ADGRB3: variants seen among roughly 807,000 people sequenced by gnomAD.
ADGRB3 encodes the protein brain-specific angiogenesis inhibitor 3.
Under a neutral mutation model 193.4 loss-of-function variants are expected in ADGRB3, and 37 were observed. The observed-to-expected ratio is 0.19, with a 90% CI of 0.15 to 0.25. ADGRB3 has a LOEUF of 0.25. Ranked by LOEUF, ADGRB3 falls within the 10% of genes least tolerant of loss-of-function variation. The pLI, the probability that ADGRB3 is intolerant of heterozygous loss-of-function variation, is 1.00. For missense variants in ADGRB3, 1,637 were observed against 1,852.9 expected, an observed-to-expected ratio of 0.88 and a Z score of 2.14; for synonymous variants, 690 against 644.2, an observed-to-expected ratio of 1.07 and a Z score of -1.08.
intron 17 of ADGRB3, among the ~76,000 whole-genome samples, chr6:69,125,410 A>T (rs1773826201): frequency 6.6e-6 from 1 of 152,112 alleles, no homozygotes; most frequent in Admixed American, 6.5e-5. Flanking sequence ...AGCTGAGAGT[A>T]TGAGGAGGTG....
chr6:68,758,091 A>G (rs1766330465), intron 3 of ADGRB3, among the ~76,000 whole-genome samples: 1 of 152,084 alleles, frequency 6.6e-6, no homozygotes, highest in African/African-American at 2.4e-5. Flanking sequence ...ATAGGATATA[A>G]CCTTAGGGGA....
Position 68,979,205 on chromosome 6 carries a change from C to A in ADGRB3, c.1734+3865C>A, listed in dbSNP as rs117166007. 2.4e-3 allele frequency among the ~76,000 whole-genome samples: 368 copies of A among 151,244 alleles called. 15 individuals carry two copies. The East Asian group carries it at 0.057, about 23-fold the overall frequency. On this transcript the variant is annotated intron_variant, in intron 10 of 31. Transcript: ENST00000370598. ...ATTTCAAAGATTTTTGAGTAAAGCA[C>A]GACTTTGCTACTTTTCTTATAAGTA...
chr6:69,342,801 C>T (rs1769002752), intron 26 of ADGRB3, among the ~76,000 whole-genome samples: 1 of 152,108 alleles, frequency 6.6e-6, no homozygotes, highest in Non-Finnish European at 1.5e-5. Flanking sequence ...AGTTTTATCT[C>T]TACTGCTCTT....
At chr6:68,701,864 A>G (rs1248040930) in intron 3 of ADGRB3, among the ~76,000 whole-genome samples, 1 of 152,200 alleles carries the variant, frequency 6.6e-6, no homozygotes, top group Non-Finnish European at 1.5e-5. Flanking sequence ...TTTAATATTT[A>G]TCCACTATCC....
intron 28 of ADGRB3, among the ~76,000 whole-genome samples, chr6:69,359,231 A>G (rs1769395003): frequency 6.6e-6 from 1 of 151,682 alleles, no homozygotes; most frequent in African/African-American, 2.4e-5. Flanking sequence ...TTTTTTAAGT[A>G]TTTATTTACA....
intron 3 of ADGRB3, among the ~76,000 whole-genome samples, chr6:68,675,851 G>A (rs538145122): frequency 6.6e-6 from 1 of 152,162 alleles, no homozygotes; most frequent in East Asian, 1.9e-4. Flanking sequence ...TCTCTTATTT[G>A]GAAACTTCTC....
chr6:68,643,760 C>A (rs1403861299), intron 3 of ADGRB3, among the ~76,000 whole-genome samples: 1 of 151,524 alleles, frequency 6.6e-6, no homozygotes, highest in Non-Finnish European at 1.5e-5. Context: ...GGTGAAACCA[C>A]CTTCTCTACT....
chr6:68,692,736 A>G (rs1290120488), intron 3 of ADGRB3, among the ~76,000 whole-genome samples: 1 of 151,558 alleles, frequency 6.6e-6, no homozygotes, highest in Non-Finnish European at 1.5e-5. Flanking sequence ...CAAGTTATTT[A>G]TATAATATAA....
intron 3 of ADGRB3, among the ~76,000 whole-genome samples, chr6:68,786,117 A>T (rs375326907): frequency 6.6e-6 from 1 of 151,532 alleles, no homozygotes; most frequent in Admixed American, 6.6e-5. Context: ...TGTTCACTCT[A>T]ATGGTAGTTT....
At chr6:68,722,605 CT>C (rs200217245) in intron 3 of ADGRB3, among the ~76,000 whole-genome samples, 1,489 of 142,904 alleles carry the variant, frequency 0.01, 10 homozygotes, top group Middle Eastern at 0.015. Flanking sequence ...ATTTCTTTTT[CT>C]TTTTTTTTTT....
intron 3 of ADGRB3, among the ~76,000 whole-genome samples, chr6:68,891,352 A>G (rs927732254): frequency 6.6e-6 from 1 of 152,120 alleles, no homozygotes; most frequent in Non-Finnish European, 1.5e-5. Flanking sequence ...GAAATCCAAC[A>G]TTATTTTATC....
At chr6:69,061,727 C>T (rs999124871) in intron 15 of ADGRB3, among the ~76,000 whole-genome samples, 11 of 47,448 alleles carry the variant, frequency 2.3e-4, no homozygotes, top group African/African-American at 2.6e-4. Flanking sequence ...TAAAAGGAAA[C>T]AAAATAGATG....
At chr6:68,889,554 G>T (rs559321598) in intron 3 of ADGRB3, among the ~76,000 whole-genome samples, 13 of 150,530 alleles carry the variant, frequency 8.6e-5, no homozygotes, top group African/African-American at 3.2e-4. Context: ...CCGGGCTGGA[G>T]TGCAGTGGTG....
chr6:68,986,867 C>T (rs1769091405), intron 10 of ADGRB3, among the ~76,000 whole-genome samples: 2 of 151,972 alleles, frequency 1.3e-5, no homozygotes, highest in Non-Finnish European at 2.9e-5. Flanking sequence ...TTAATATTCA[C>T]ACAATAGCGG....
At chr6:69,121,598 A>G (rs1195475100) in intron 17 of ADGRB3, among the ~76,000 whole-genome samples, 21 of 150,022 alleles carry the variant, frequency 1.4e-4, no homozygotes. Flanking sequence ...GGGCAGCGGG[A>G]CAGAGGCGCT....
At chr6:68,914,874 G>A (rs1766832626) in intron 3 of ADGRB3, among the ~76,000 whole-genome samples, 2 of 152,096 alleles carry the variant, frequency 1.3e-5, no homozygotes, top group Admixed American at 1.3e-4. Context: ...TTCACATTGT[G>A]AGGCACTTAA....
intron 3 of ADGRB3, among the ~76,000 whole-genome samples, chr6:68,836,851 G>A (rs929057857): frequency 3.9e-5 from 6 of 152,134 alleles, no homozygotes; most frequent in South Asian, 4.1e-4. Flanking sequence ...AGAGTGAAAT[G>A]TGAAGGTGGA....
intron 3 of ADGRB3, among the ~76,000 whole-genome samples, chr6:68,804,010 T>C (rs1430447194): frequency 6.6e-6 from 1 of 152,204 alleles, no homozygotes; most frequent in African/African-American, 2.4e-5. Context: ...CAGTACCTTC[T>C]CCACTTTTTT....
intron 20 of ADGRB3, 75 bp from the exon 21 acceptor site, chr6:69,324,797 A>G: frequency 6.8e-7 from 1 of 1,479,092 alleles, no homozygotes; most frequent in Non-Finnish European, 9.2e-7. Flanking sequence ...TCAGAGATTA[A>G]CAATCCCCTG....
Sources: gnomAD v4.1 joint callset for allele counts (sites outside exome capture counted in the v4.1 genomes callset) on GRCh38, gnomAD v4.1.1 for gene constraint, MANE v1.5 for transcripts, NCBI Gene and HGNC (gene_info 2026-07-23, HGNC 2026-07-21) for gene names.